The following HHAT variants were observed in gnomAD, a reference collection of about 807,000 sequenced individuals.
The protein encoded by HHAT is protein-cysteine N-palmitoyltransferase HHAT.
A neutral mutation model predicts 70.8 loss-of-function variants in HHAT; 47 were observed. The observed-to-expected ratio is 0.66, with a 90% CI of 0.53 to 0.85. The LOEUF (loss-of-function observed/expected upper bound fraction) is 0.85. HHAT is among the 40% of genes least tolerant of loss of function. The pLI is 0.00. For missense variants in HHAT, 609 were observed against 604.8 expected, an observed-to-expected ratio of 1.01 and a Z score of -0.07; for synonymous variants, 228 against 247.6, an observed-to-expected ratio of 0.92 and a Z score of 0.74.
chr1:210,341,180 T>C (rs1037165638), intron 1 of HHAT, among the ~76,000 whole-genome samples: 2 of 152,174 alleles, frequency 1.3e-5, no homozygotes, highest in Non-Finnish European at 2.9e-5. Context: ...GAAGTGACGA[T>C]GGTGATGCTG....
chr1:210,522,126 GTGAA>G (rs956037732), intron 9 of HHAT, among the ~76,000 whole-genome samples: 29 of 152,218 alleles, frequency 1.9e-4, no homozygotes, highest in African/African-American at 7.0e-4. Context: ...GATATAAAAA[GTGAA>G]TGACCTTATT....
At position 210,557,385 on chromosome 1, in the gene HHAT, G is replaced by A. The variant is rs971757349; in HGVS notation, c.1044-30513G>A. Among the ~76,000 whole-genome samples, 6 of 152,278 alleles carry A rather than the reference G, an allele frequency of 3.9e-5. 1 individual carries two copies. In the East Asian group the frequency reaches 1.2e-3, roughly 29 times the overall value. Reference sequence around the variant, plus strand: ...ACTCCTGAAACCCCTGGTTTAGAGAGTTGAAATTTTGGAATCTTCCCCAGC... The same window carrying A: ...ACTCCTGAAACCCCTGGTTTAGAGAATTGAAATTTTGGAATCTTCCCCAGC... On this transcript the variant is annotated intron_variant, in intron 9 of 11. Transcript: ENST00000261458.
intron 1 of HHAT, among the ~76,000 whole-genome samples, chr1:210,335,894 G>A (rs145872303): frequency 2.0e-5 from 3 of 150,068 alleles, no homozygotes; most frequent in African/African-American, 7.4e-5. Flanking sequence ...AGCACTAATT[G>A]GTACAGTGAT....
intron 8 of HHAT, among the ~76,000 whole-genome samples, chr1:210,492,502 A>G (rs1327586283): frequency 6.6e-6 from 1 of 152,230 alleles, no homozygotes; most frequent in Non-Finnish European, 1.5e-5. Flanking sequence ...CTACCAAAGT[A>G]GAATGTGTCT....
intron 1 of HHAT, among the ~76,000 whole-genome samples, chr1:210,340,242 G>GGGGGAAA (rs1553313987): frequency 1.0e-5 from 1 of 99,784 alleles, no homozygotes; most frequent in African/African-American, 3.4e-5. Flanking sequence ...CTCTGTCTCA[G>GGGGGAAA]AAAAAAAAAA....
At chr1:210,589,802 TA>T (rs1661265293) in intron 10 of HHAT, 1 of 152,234 alleles carries the variant, frequency 6.6e-6, no homozygotes, top group Non-Finnish European at 1.5e-5. Context: ...CTTGCTTGTC[TA>T]CCTTGCTCCA....
intron 9 of HHAT, among the ~76,000 whole-genome samples, chr1:210,526,537 G>A (rs1027168507): frequency 6.6e-6 from 1 of 152,102 alleles, no homozygotes; most frequent in Non-Finnish European, 1.5e-5. Context: ...AGTAACAGAA[G>A]CAGCCTGTGG....
rs1179812670 is a variant in HHAT, at chr1:210,558,787, G to A, written c.1044-29111G>A. ...ATTCAGAATTTTGCCAGTTATTCTT[G>A]AGGCCAGGCATGCATGGGTTGGGGT... is the stretch of plus-strand genomic sequence containing the variant. On this transcript the variant is annotated intron_variant, in intron 9 of 11. Transcript: ENST00000261458. Among the ~76,000 whole-genome samples, 3 of 152,146 alleles carry A rather than the reference G, an allele frequency of 2.0e-5. No homozygotes were observed. In the East Asian group the frequency reaches 5.8e-4, roughly 29 times the overall value.
intron 8 of HHAT, among the ~76,000 whole-genome samples, chr1:210,507,487 A>G (rs1193218781): frequency 6.8e-6 from 1 of 148,096 alleles, no homozygotes; most frequent in African/African-American, 2.5e-5. Flanking sequence ...CAGCCTCCCT[A>G]GCAGCTGGGA....
At chr1:210,330,679 G>T (rs1268433314) in intron 1 of HHAT, among the ~76,000 whole-genome samples, 1 of 152,200 alleles carries the variant, frequency 6.6e-6, no homozygotes, top group African/African-American at 2.4e-5. Context: ...TCCAGCTTAG[G>T]ACCTGGCCCA....
chr1:210,363,003 G>C (rs2088523266), intron 3 of HHAT, 84 bp downstream of exon 3: 1 of 1,156,308 alleles, frequency 8.6e-7, no homozygotes, highest in East Asian at 2.3e-5. Context: ...AGTCGATCCA[G>C]GTATCAGATT....
At chr1:210,639,536 G>A (rs749803256) in intron 11 of HHAT, among the ~76,000 whole-genome samples, 1 of 152,198 alleles carries the variant, frequency 6.6e-6, no homozygotes, top group Non-Finnish European at 1.5e-5. Context: ...GGAACATCCA[G>A]GTTGCATCTC....
intron 9 of HHAT, among the ~76,000 whole-genome samples, chr1:210,529,097 G>A (rs1390684077): frequency 6.6e-6 from 1 of 152,134 alleles, no homozygotes; most frequent in Non-Finnish European, 1.5e-5. Context: ...CTGAGGTCAG[G>A]AGTTCGAGAC....
chr1:210,602,686 G>A (rs1261787870), intron 10 of HHAT, among the ~76,000 whole-genome samples: 1 of 152,006 alleles, frequency 6.6e-6, no homozygotes, highest in African/African-American at 2.4e-5. Flanking sequence ...AAATTAGCCT[G>A]TTGTGCCAGC....
intron 11 of HHAT, among the ~76,000 whole-genome samples, chr1:210,658,358 T>C (rs1477587504): frequency 6.6e-6 from 1 of 152,200 alleles, no homozygotes; most frequent in Non-Finnish European, 1.5e-5. Flanking sequence ...GACTTTTATA[T>C]ATTTGCAGCA....
chr1:210,652,455 G>T (rs1300773314), intron 11 of HHAT, among the ~76,000 whole-genome samples: 1 of 152,134 alleles, frequency 6.6e-6, no homozygotes, highest in Non-Finnish European at 1.5e-5. Flanking sequence ...CAGAACCCGG[G>T]GCCCACTGTG....
chr1:210,561,519 C>T (rs1279317524), intron 9 of HHAT, among the ~76,000 whole-genome samples: 5 of 152,122 alleles, frequency 3.3e-5, no homozygotes. Flanking sequence ...GTGGCAAGTG[C>T]CCAGCCATCT....
intron 9 of HHAT, among the ~76,000 whole-genome samples, chr1:210,547,940 C>T (rs764199545): frequency 7.9e-5 from 12 of 152,052 alleles, no homozygotes; most frequent in Non-Finnish European, 1.3e-4. Context: ...ATTAAAAAGT[C>T]AAAACAGAAC....
At chr1:210,398,504 C>G (rs1331911673) in intron 4 of HHAT, among the ~76,000 whole-genome samples, 1 of 152,170 alleles carries the variant, frequency 6.6e-6, no homozygotes, top group Non-Finnish European at 1.5e-5. Flanking sequence ...ATCATAGTCT[C>G]TCAAGTAAAT....
Sources: allele counts gnomAD v4.1 joint callset (sites outside exome capture counted in the v4.1 genomes callset), GRCh38; gene constraint gnomAD v4.1.1; transcripts MANE v1.5; gene names NCBI Gene and HGNC (gene_info 2026-07-23, HGNC 2026-07-21).